Variants in WDFY3 observed in about 807,000 individuals in gnomAD.
WDFY3 encodes the protein WD repeat and FYVE domain-containing protein 3.
WDFY3 carries 66 observed loss-of-function variants against 409.6 expected under a neutral mutation model. That is an observed-to-expected ratio of 0.16 (90% CI 0.13 to 0.20). WDFY3 has a LOEUF of 0.20. Among genes scored for constraint, WDFY3 ranks in the 10% least tolerant of loss-of-function variants. The pLI, the probability that WDFY3 is intolerant of heterozygous loss-of-function variation, is 1.00. For synonymous variants in WDFY3, 1,521 were observed against 1,537.1 expected (o/e 0.99, Z 0.25); for missense variants, 3,031 against 4,298.1 (o/e 0.71, Z 8.24).
intron 7 of WDFY3, among the ~76,000 whole-genome samples, chr4:84,834,545 G>A (rs1290083478): frequency 1.3e-5 from 2 of 151,966 alleles, no homozygotes; most frequent in Non-Finnish European, 2.9e-5. Context: ...CAGCTACTTG[G>A]GTGGCTGAGG....
intron 25 of WDFY3, among the ~76,000 whole-genome samples, chr4:84,782,187 C>T (rs1233790949): frequency 1.3e-5 from 2 of 152,168 alleles, no homozygotes; most frequent in African/African-American, 2.4e-5. Flanking sequence ...TACTCAGAAG[C>T]TCTAATTTCT....
intron 7 of WDFY3, 142 bp from the exon 8 acceptor site, chr4:84,831,747 A>G: frequency 1.5e-6 from 1 of 668,196 alleles, no homozygotes; most frequent in Non-Finnish European, 2.5e-6. Flanking sequence ...AATGCTCAAC[A>G]TCACTAATCA....
intron 12 of WDFY3, among the ~76,000 whole-genome samples, chr4:84,819,718 C>A (rs1020577101): frequency 6.6e-6 from 1 of 151,996 alleles, no homozygotes; most frequent in Non-Finnish European, 1.5e-5. Context: ...CATTATAATA[C>A]TCTAACTTGT....
Position 84,704,471 on chromosome 4 carries a change from G to A in WDFY3, c.8336-27C>T, listed in dbSNP as rs191268241. On this transcript the variant is annotated intron_variant, in intron 54 of 67. Transcript: ENST00000295888. ...TGTTTAAGAAAATTAAAGCACAATT[G>A]AAACCAAAAGAAGAAATATGAAAAA... 153 of 1,493,384 alleles carry A rather than the reference G, an allele frequency of 1.0e-4. 1 individual carries two copies. In the African/African-American group the frequency reaches 2.0e-3, roughly 19 times the overall value. The allele number at this position is 1,493,384 out of a possible 1,614,324, so 92.5% of individuals were successfully genotyped here. A position where few individuals can be genotyped will look rare whatever the true frequency, so the allele number is the denominator to read the frequency against.
At chr4:84,731,569 C>G (rs187229939) in intron 44 of WDFY3, among the ~76,000 whole-genome samples, 4 of 152,242 alleles carry the variant, frequency 2.6e-5, no homozygotes, top group Admixed American at 6.5e-5. Context: ...CAATATGTAA[C>G]CCACCTGTTA....
At chr4:84,771,187 A>C (rs911643219) in intron 30 of WDFY3, among the ~76,000 whole-genome samples, 9 of 152,184 alleles carry the variant, frequency 5.9e-5, no homozygotes, top group African/African-American at 2.2e-4. Flanking sequence ...CCCAGGTTGA[A>C]GGTCAGTGGC....
chr4:84,787,397 A>G, intron 23 of WDFY3, 85 bp downstream of exon 23: 2 of 1,311,234 alleles, frequency 1.5e-6, no homozygotes, highest in East Asian at 4.8e-5. Context: ...GATTAACAAT[A>G]TGTATAACCT....
intron 43 of WDFY3, among the ~76,000 whole-genome samples, chr4:84,734,835 A>G (rs1490938665): frequency 2.6e-5 from 4 of 152,188 alleles, no homozygotes; most frequent in Non-Finnish European, 4.4e-5. Flanking sequence ...TGCTTTTTGA[A>G]ATGCAGTTTG....
At chr4:84,765,679 C>T in intron 32 of WDFY3, 131 bp downstream of exon 32, 2 of 709,554 alleles carry the variant, frequency 2.8e-6, no homozygotes, top group Non-Finnish European at 4.4e-6. Context: ...TAAGCTCTTC[C>T]TTCTATCATT....
chr4:84,916,918 G>C (rs1364834158), intron 2 of WDFY3, among the ~76,000 whole-genome samples: 1 of 152,042 alleles, frequency 6.6e-6, no homozygotes, highest in Non-Finnish European at 1.5e-5. Flanking sequence ...AAAGATGTTT[G>C]CTGGCTCTCC....
intron 36 of WDFY3, chr4:84,751,185 C>T (rs1329399791): frequency 2.9e-5 from 12 of 410,802 alleles, no homozygotes; most frequent in South Asian, 1.9e-4. Flanking sequence ...TGACAGAGAC[C>T]GTATGGCCCA....
intron 2 of WDFY3, among the ~76,000 whole-genome samples, chr4:84,921,226 A>G (rs1400964977): frequency 6.6e-6 from 1 of 152,204 alleles, no homozygotes; most frequent in Non-Finnish European, 1.5e-5. Context: ...AGCAACTGCT[A>G]TTAAGCAATA....
At chr4:84,767,586 G>C (rs1400855145) in intron 30 of WDFY3, among the ~76,000 whole-genome samples, 1 of 148,378 alleles carries the variant, frequency 6.7e-6, no homozygotes, top group Non-Finnish European at 1.5e-5. Flanking sequence ...AATTCTTGAA[G>C]AAAACTGAAA....
intron 3 of WDFY3, among the ~76,000 whole-genome samples, chr4:84,882,995 C>T (rs556251260): frequency 2.6e-5 from 4 of 152,304 alleles, no homozygotes; most frequent in African/African-American, 4.8e-5. Flanking sequence ...GCATGAGCCA[C>T]CGTGCCTGGC....
chr4:84,775,049 G>A lies in WDFY3; in HGVS notation c.4592+16C>T, dbSNP rs993475205. 6.2e-7 allele frequency: 1 copy of A among 1,611,152 alleles called. No homozygotes were observed. Among genetic ancestry groups the A allele is most frequent in the Admixed American group, 1.7e-5 (1 of 59,946 alleles). On this transcript the variant is annotated intron_variant, in intron 28 of 67. Transcript: ENST00000295888. ...TCTATAGCTGAATAATTAACTACGTGGGTATTAATTAATACCTGGACTCTG... is the reference window on the plus strand; with the variant it reads ...TCTATAGCTGAATAATTAACTACGTAGGTATTAATTAATACCTGGACTCTG...
At chr4:84,674,784 C>T (rs948625699) in intron 67 of WDFY3, among the ~76,000 whole-genome samples, 5 of 151,378 alleles carry the variant, frequency 3.3e-5, no homozygotes, top group Non-Finnish European at 7.4e-5. Context: ...AGAAGAATCG[C>T]TTGAACCCAG....
chr4:84,711,639 TCGGGAG>T (rs1732912793), intron 51 of WDFY3, among the ~76,000 whole-genome samples: 2 of 151,610 alleles, frequency 1.3e-5, no homozygotes, highest in East Asian at 3.9e-4. Flanking sequence ...GATCGCGAGG[TCGGGAG>T]TTTGAGAGCA....
chr4:84,879,369 A>G (rs1763187077), intron 3 of WDFY3: 1 of 152,182 alleles, frequency 6.6e-6, no homozygotes, highest in African/African-American at 2.4e-5. Flanking sequence ...TTGATCATTG[A>G]TTCAAAGAAA....
chr4:84,762,473 G>T (rs1428385637), intron 32 of WDFY3, among the ~76,000 whole-genome samples: 7 of 115,358 alleles, frequency 6.1e-5, no homozygotes, highest in Middle Eastern at 6.5e-3. Context: ...TGGGGTGGGG[G>T]GAGGGGGGAG....
Sources: allele counts gnomAD v4.1 joint callset (sites outside exome capture counted in the v4.1 genomes callset), GRCh38; gene constraint gnomAD v4.1.1; transcripts MANE v1.5; gene names NCBI Gene and HGNC (gene_info 2026-07-23, HGNC 2026-07-21).